ADAMTS9: variants seen among roughly 807,000 people sequenced by gnomAD.
ADAMTS9 encodes ADAM metallopeptidase with thrombospondin type 1 motif 9.
Under a neutral mutation model 257.1 loss-of-function variants are expected in ADAMTS9, and 107 were observed. The ratio of observed to expected loss-of-function variants is 0.42; its 90% CI spans 0.36 to 0.49. The LOEUF is 0.49. ADAMTS9 is among the 20% of genes least tolerant of loss of function. The pLI is 0.03. For missense variants in ADAMTS9, 2,353 were observed against 2,469.1 expected (o/e 0.95, Z 1.00); for synonymous variants, 982 against 880.9 (o/e 1.11, Z -2.03).
chr3:64,669,625 C>T (rs1429926903), intron 3 of ADAMTS9, among the ~76,000 whole-genome samples: 3 of 152,092 alleles, frequency 2.0e-5, no homozygotes, highest in Admixed American at 1.3e-4. Context: ...TCCTAAGTTT[C>T]CAAAGGGGCA....
intron 30 of ADAMTS9, among the ~76,000 whole-genome samples, chr3:64,556,683 C>G (rs1218502112): frequency 6.6e-6 from 1 of 151,756 alleles, no homozygotes; most frequent in Non-Finnish European, 1.5e-5. Flanking sequence ...AGATGAAAGT[C>G]CATCAATTAG....
At chr3:64,530,318 G>A (rs1231380795) in intron 38 of ADAMTS9, among the ~76,000 whole-genome samples, 3 of 151,996 alleles carry the variant, frequency 2.0e-5, no homozygotes, top group Non-Finnish European at 4.4e-5. Flanking sequence ...TCCCAAAAGT[G>A]TTGGGCGGTG....
At chr3:64,545,459 G>T (rs1008719843) in intron 32 of ADAMTS9, among the ~76,000 whole-genome samples, 2 of 152,098 alleles carry the variant, frequency 1.3e-5, no homozygotes, top group Non-Finnish European at 2.9e-5. Context: ...TCCTTTGTAG[G>T]GACATGGATG....
chr3:64,529,300 C>T (rs951337670), intron 38 of ADAMTS9, among the ~76,000 whole-genome samples: 4 of 152,188 alleles, frequency 2.6e-5, no homozygotes, highest in African/African-American at 4.8e-5. Flanking sequence ...AGTGAGACAG[C>T]GTTACTGTTC....
At position 64,615,866 on chromosome 3, in the gene ADAMTS9, G is replaced by A. The variant is rs9825866; in HGVS notation, c.3024+94C>T. ...CAAATCAATCACGGTCATCTCTTCCGCACAGCCTAAATGGGGCTTACACAC... is the reference window on the plus strand; with the variant it reads ...CAAATCAATCACGGTCATCTCTTCCACACAGCCTAAATGGGGCTTACACAC... On this transcript the variant is annotated intron_variant, in intron 20 of 39. Coordinates refer to ENST00000498707, the MANE Select transcript of ADAMTS9 (RefSeq NM_182920.2). The A allele has an allele frequency of 3.4e-3, 4,839 of 1,444,356 alleles. 128 individuals carry two copies. In the African/African-American group the frequency reaches 0.052, roughly 15 times the overall value. The allele number at this position is 1,444,356 out of a possible 1,614,324, so 89.5% of individuals were successfully genotyped here. A position where few individuals can be genotyped will look rare whatever the true frequency, so the allele number is the denominator to read the frequency against.
chr3:64,685,019 A>G (rs1701859904), intron 2 of ADAMTS9: 1 of 152,124 alleles, frequency 6.6e-6, no homozygotes, highest in East Asian at 1.9e-4. Flanking sequence ...AGGATTCCAG[A>G]GCTCTTGCCC....
chr3:64,677,378 G>C (rs1038878820), intron 3 of ADAMTS9, among the ~76,000 whole-genome samples: 1 of 152,162 alleles, frequency 6.6e-6, no homozygotes, highest in African/African-American at 2.4e-5. Context: ...AGACAATCAG[G>C]AAGGGCAGCC....
At chr3:64,595,361 C>T (rs1043751450) in intron 27 of ADAMTS9, among the ~76,000 whole-genome samples, 3 of 152,144 alleles carry the variant, frequency 2.0e-5, no homozygotes, top group African/African-American at 4.8e-5. Flanking sequence ...GGCAGGAACA[C>T]GTTGTATTTC....
In ADAMTS9 at chr3:64,680,099, T is replaced by A. The variant is rs1701716969; in HGVS notation, c.679+1102A>T. ...GGTTATAAATAGTCAATGTTATCTT[T>A]TATTAAAGGATTCACTTTAGAAATA... On this transcript the variant is annotated intron_variant, in intron 3 of 39. Transcript: ENST00000498707. Among the ~76,000 whole-genome samples the A allele has an allele frequency of 3.9e-5, 6 of 152,328 alleles. No homozygotes were observed. The South Asian group carries it at 1.2e-3, about 32-fold the overall frequency.
intron 8 of ADAMTS9, among the ~76,000 whole-genome samples, chr3:64,653,032 T>C (rs938345433): frequency 6.6e-6 from 1 of 152,236 alleles, no homozygotes; most frequent in African/African-American, 2.4e-5. Flanking sequence ...CCCCAAGATA[T>C]CTCATTATGG....
At chr3:64,674,134 C>T (rs1701566318) in intron 3 of ADAMTS9, among the ~76,000 whole-genome samples, 1 of 151,168 alleles carries the variant, frequency 6.6e-6, no homozygotes, top group Non-Finnish European at 1.5e-5. Flanking sequence ...TTTATAAGTA[C>T]CATTCAGTAG....
At chr3:64,630,196 C>A (rs1266805867) in intron 16 of ADAMTS9, among the ~76,000 whole-genome samples, 1 of 152,164 alleles carries the variant, frequency 6.6e-6, no homozygotes, top group African/African-American at 2.4e-5. Context: ...CTCTACTCTC[C>A]ATGTCCTCTT....
intron 3 of ADAMTS9, among the ~76,000 whole-genome samples, chr3:64,670,658 A>G (rs540422004): frequency 6.6e-6 from 1 of 152,236 alleles, no homozygotes; most frequent in African/African-American, 2.4e-5. Context: ...GAACTTTCAG[A>G]CTTCAGTAAT....
intron 28 of ADAMTS9, among the ~76,000 whole-genome samples, chr3:64,577,295 G>A (rs564629536): frequency 6.6e-6 from 1 of 152,280 alleles, no homozygotes; most frequent in South Asian, 2.1e-4. Flanking sequence ...CTATTAGCCT[G>A]TTGATTCCTT....
intron 18 of ADAMTS9, among the ~76,000 whole-genome samples, chr3:64,621,729 T>C (rs1700109619): frequency 6.7e-6 from 1 of 148,570 alleles, no homozygotes; most frequent in Non-Finnish European, 1.5e-5. Flanking sequence ...GCCACTGCAC[T>C]CCAGCCTGGG....
intron 31 of ADAMTS9, among the ~76,000 whole-genome samples, chr3:64,547,702 T>A (rs1165634255): frequency 1.3e-5 from 2 of 152,012 alleles, no homozygotes; most frequent in South Asian, 2.1e-4. Flanking sequence ...GACTGGCATG[T>A]TACCTTTCTG....
intron 3 of ADAMTS9, among the ~76,000 whole-genome samples, chr3:64,673,292 C>A: frequency 6.6e-6 from 1 of 152,306 alleles, no homozygotes; most frequent in African/African-American, 2.4e-5. Flanking sequence ...CCTTTCCCTT[C>A]AATTAAATCA....
In ADAMTS9 at chr3:64,649,667, A is replaced by T. The variant is rs1202580761; in HGVS notation, c.1575T>A (p.Phe525Leu). The change falls in exon 10 of 40, where the codon TTT (phenylalanine) becomes TTA (leucine). Residue 525 changes from phenylalanine to leucine, a missense_variant. Transcript: ENST00000498707. ...ATGGGCACACCTGAGAACCTGGTCC[A>T]AAAATCAATTCACATTGTTTATTCA... ...YNVNKQCELI[F>L]GPGSQVCPYM... 1 of 1,613,750 alleles carries T rather than the reference A, an allele frequency of 6.2e-7. No homozygotes were observed. Among genetic ancestry groups the T allele is most frequent in the Non-Finnish European group, 8.5e-7 (1 of 1,179,884 alleles).
intron 12 of ADAMTS9, among the ~76,000 whole-genome samples, chr3:64,635,936 G>T (rs1700484190): frequency 6.6e-6 from 1 of 152,076 alleles, no homozygotes; most frequent in South Asian, 2.1e-4. Flanking sequence ...TGTGCTACAA[G>T]GAAGACCCCC....
Sources: gnomAD v4.1 joint callset for allele counts (sites outside exome capture counted in the v4.1 genomes callset) on GRCh38, gnomAD v4.1.1 for gene constraint, MANE v1.5 for transcripts, NCBI Gene and HGNC (gene_info 2026-07-23, HGNC 2026-07-21) for gene names.